Variants in CD247 observed in about 807,000 individuals in gnomAD.
CD247 encodes T-cell surface glycoprotein CD3 zeta chain.
Under a neutral mutation model 30.0 loss-of-function variants are expected in CD247, and 13 were observed. The observed-to-expected ratio is 0.43, with a 90% CI of 0.28 to 0.69. The LOEUF (loss-of-function observed/expected upper bound fraction) is 0.69, where lower values mean the gene tolerates loss of function less well. Among genes scored for constraint, CD247 ranks in the 30% least tolerant of loss-of-function variants. CD247 has a pLI of 0.16. For synonymous variants in CD247, 72 were observed against 80.0 expected, an observed-to-expected ratio of 0.90 and a Z score of 0.53; for missense variants, 193 against 212.6, an observed-to-expected ratio of 0.91 and a Z score of 0.57.
At chr1:167,514,343 T>G (rs184611192) in intron 1 of CD247, among the ~76,000 whole-genome samples, 20 of 152,256 alleles carry the variant, frequency 1.3e-4, no homozygotes, top group African/African-American at 4.8e-4. Flanking sequence ...TTCACCACAT[T>G]GGCCAGGCTG....
At chr1:167,476,190 T>C (rs573176047) in intron 1 of CD247, among the ~76,000 whole-genome samples, 66 of 152,282 alleles carry the variant, frequency 4.3e-4, no homozygotes, top group South Asian at 3.7e-3. Flanking sequence ...TGGGTTGAAA[T>C]GGCGCCTTTC....
At chr1:167,451,830 G>C (rs1017539728) in intron 1 of CD247, among the ~76,000 whole-genome samples, 9 of 152,238 alleles carry the variant, frequency 5.9e-5, no homozygotes, top group Admixed American at 5.2e-4. Flanking sequence ...GATTAGGTCG[G>C]GCGAGGTGGC....
At chr1:167,482,879 G>A (rs1233852687) in intron 1 of CD247, among the ~76,000 whole-genome samples, 1 of 152,058 alleles carries the variant, frequency 6.6e-6, no homozygotes, top group African/African-American at 2.4e-5. Context: ...ACTAAAATGT[G>A]GGGAGGGGGA....
At chr1:167,517,769 A>T (rs547500321) in intron 1 of CD247, among the ~76,000 whole-genome samples, 1 of 152,302 alleles carries the variant, frequency 6.6e-6, no homozygotes, top group African/African-American at 2.4e-5. Context: ...GTGTGGGGAC[A>T]GCCATGACAA....
At chr1:167,491,131 C>T (rs1654426497) in intron 1 of CD247, among the ~76,000 whole-genome samples, 1 of 152,072 alleles carries the variant, frequency 6.6e-6, no homozygotes. Context: ...ACCCTTTACT[C>T]GTTGGAATGG....
At chr1:167,450,691 G>T (rs1195662199) in intron 1 of CD247, among the ~76,000 whole-genome samples, 11 of 152,104 alleles carry the variant, frequency 7.2e-5, no homozygotes, top group Admixed American at 6.5e-4. Flanking sequence ...GAGGCAGGCA[G>T]ATCACTAGGT....
chr1:167,484,247 A>G (rs34079235), intron 1 of CD247, among the ~76,000 whole-genome samples: 2,078 of 152,260 alleles, frequency 0.014, 49 homozygotes, highest in African/African-American at 0.047. Context: ...CCCAATCAGC[A>G]GACACCACCA....
chr1:167,475,011 C>T (rs1464677526), intron 1 of CD247, among the ~76,000 whole-genome samples: 5 of 152,142 alleles, frequency 3.3e-5, no homozygotes, highest in South Asian at 2.1e-4. Flanking sequence ...CTCAGCCTCC[C>T]GAAGTGCTAG....
intron 1 of CD247, among the ~76,000 whole-genome samples, chr1:167,496,654 G>A (rs1654703181): frequency 1.3e-5 from 2 of 152,198 alleles, no homozygotes; most frequent in African/African-American, 4.8e-5. Flanking sequence ...GACAAACTGG[G>A]CCTCCTGCAT....
chr1:167,479,141 G>T (rs1653868020), intron 1 of CD247, among the ~76,000 whole-genome samples: 3 of 152,234 alleles, frequency 2.0e-5, no homozygotes, highest in Non-Finnish European at 4.4e-5. Context: ...CTAATGGACA[G>T]TTGGGTTATT....
intron 4 of CD247, among the ~76,000 whole-genome samples, chr1:167,435,763 T>A (rs557291264): frequency 6.6e-6 from 1 of 151,996 alleles, no homozygotes; most frequent in Non-Finnish European, 1.5e-5. Flanking sequence ...ACAAAAGGAG[T>A]CACATACCAT....
rs567107852 is a variant in CD247, at chr1:167,431,887, C to T, written c.430-141G>A. On this transcript the variant is annotated intron_variant, in intron 7 of 7. Transcript: ENST00000362089. ...CTCCAGAGGCCCAGGAATAATCCCC[C>T]TGGCCCCACGGGCAGGAGCCTTGGC... 16,837 of 769,462 alleles carry T rather than the reference C, an allele frequency of 0.022. 254 individuals are homozygous for T. The highest frequency in any genetic ancestry group is 0.03 in the Middle Eastern group (96 of 3,184). The allele number at this position is 769,462 out of a possible 1,614,324, so 47.7% of individuals were successfully genotyped here. A position where few individuals can be genotyped will look rare whatever the true frequency, so the allele number is the denominator to read the frequency against.
intron 1 of CD247, among the ~76,000 whole-genome samples, chr1:167,454,021 T>C (rs912959851): frequency 3.9e-5 from 6 of 152,152 alleles, no homozygotes; most frequent in Admixed American, 2.6e-4. Context: ...AAAAACACTA[T>C]GTAAGCTGCA....
chr1:167,452,293 C>T (rs1652387363), intron 1 of CD247, among the ~76,000 whole-genome samples: 1 of 149,894 alleles, frequency 6.7e-6, no homozygotes, highest in South Asian at 2.1e-4. Context: ...CATGGTGGTA[C>T]ACCATGAGGC....
At chr1:167,483,408 G>GCCTC (rs1654059115) in intron 1 of CD247, among the ~76,000 whole-genome samples, 1 of 152,086 alleles carries the variant, frequency 6.6e-6, no homozygotes, top group Non-Finnish European at 1.5e-5. Flanking sequence ...CCTAAAAATA[G>GCCTC]CCTCCCTCCC....
At chr1:167,476,006 T>C (rs1332597410) in intron 1 of CD247, among the ~76,000 whole-genome samples, 3 of 152,224 alleles carry the variant, frequency 2.0e-5, no homozygotes, top group Admixed American at 6.5e-5. Context: ...ATTTTTTTTC[T>C]TTAAAGGGTG....
chr1:167,497,899 G>T lies in CD247; in HGVS notation c.58+20509C>A, dbSNP rs1654756216. Among the ~76,000 whole-genome samples, 2 of 152,180 alleles carry T rather than the reference G, an allele frequency of 1.3e-5. 1 individual carries two copies. Among genetic ancestry groups the T allele is most frequent in the South Asian group, 4.1e-4 (2 of 4,830 alleles). ...TCTCCAAGGTTCTTTACCCAGCACA[G>T]ATTCCATGATGCCCAAGGGAGAAGA... is the stretch of plus-strand genomic sequence containing the variant. On this transcript the variant is annotated intron_variant, in intron 1 of 7. Coordinates refer to ENST00000362089, the MANE Select transcript of CD247 (RefSeq NM_198053.3).
In CD247 at chr1:167,438,601, C is replaced by T. The variant is rs1162990874; in HGVS notation, c.269G>A (p.Arg90His). The T allele has an allele frequency of 1.4e-5, 22 of 1,613,996 alleles. No homozygotes were observed. The highest frequency in any genetic ancestry group is 1.9e-5 in the Non-Finnish European group (22 of 1,179,974). Residue 90 changes from arginine (R) to histidine (H), a missense_variant, in exon 4 of 8, where the codon CGT becomes CAT. Arg to His is a conservative substitution (Grantham distance 29, BLOSUM62 0). Coordinates refer to ENST00000362089, the MANE Select transcript of CD247 (RefSeq NM_198053.3). ...REEYDVLDKR[R>H]GRDPEMGGKP... ...TCCCCCCATCTCAGGGTCCCGGCCACGTCTCTTGTCCAAAACATCGTACTC... is the reference window on the plus strand; with the variant it reads ...TCCCCCCATCTCAGGGTCCCGGCCATGTCTCTTGTCCAAAACATCGTACTC...
intron 1 of CD247, among the ~76,000 whole-genome samples, chr1:167,484,110 G>C (rs370794728): frequency 1.3e-5 from 2 of 152,352 alleles, no homozygotes; most frequent in East Asian, 3.9e-4. Flanking sequence ...CAAAATCGCA[G>C]GTGAGATCAC....
Sources: allele counts gnomAD v4.1 joint callset (sites outside exome capture counted in the v4.1 genomes callset), GRCh38; gene constraint gnomAD v4.1.1; transcripts MANE v1.5; gene names NCBI Gene and HGNC (gene_info 2026-07-23, HGNC 2026-07-21).